GABPA: variants seen among roughly 807,000 people sequenced by gnomAD.
GABPA encodes GA-binding protein alpha chain.
Under a neutral mutation model 59.4 loss-of-function variants are expected in GABPA, and 4 were observed. The ratio of observed to expected loss-of-function variants is 0.07; its 90% CI spans 0.03 to 0.15. The LOEUF is 0.15. GABPA is among the 10% of genes least tolerant of loss of function. The probability of loss-of-function intolerance (pLI) is 1.00; values close to 1 mark genes in which losing one functional copy is unlikely to be tolerated. For synonymous variants in GABPA, 164 were observed against 183.1 expected, an observed-to-expected ratio of 0.90 and a Z score of 0.84; for missense variants, 251 against 543.8, an observed-to-expected ratio of 0.46 and a Z score of 5.36.
chr21:25,742,715 A>T (rs1231945391), intron 2 of GABPA, among the ~76,000 whole-genome samples: 1 of 150,826 alleles, frequency 6.6e-6, no homozygotes, highest in Non-Finnish European at 1.5e-5. Flanking sequence ...GGAGTTCAAG[A>T]CCAGCCTGGG....
intron 5 of GABPA, among the ~76,000 whole-genome samples, chr21:25,755,675 CTG>C (rs2035619350): frequency 6.6e-6 from 1 of 152,116 alleles, no homozygotes; most frequent in Non-Finnish European, 1.5e-5. Flanking sequence ...CTCTCAGTGT[CTG>C]TTCGTGTCTC....
intron 7 of GABPA, 79 bp from the exon 8 acceptor site, chr21:25,764,131 T>G: frequency 7.8e-7 from 1 of 1,274,026 alleles, no homozygotes; most frequent in Non-Finnish European, 1.1e-6. Flanking sequence ...TTAGTTAAAG[T>G]GATAATGTCT....
intron 1 of GABPA, among the ~76,000 whole-genome samples, chr21:25,737,060 A>G (rs1332140254): frequency 6.6e-6 from 1 of 152,234 alleles, no homozygotes; most frequent in Non-Finnish European, 1.5e-5. Flanking sequence ...GGAATGTTAC[A>G]CCTATCTGTA....
At position 25,772,033 on chromosome 21, in the gene GABPA, A is replaced by G. The variant is rs965483319; in HGVS notation, c.*2801A>G. ...TACAAAAAGAATTGTACCACCAAAT[A>G]TTTTTGTGAGGTCTGCTGTTTTCCA... On this transcript the variant is annotated 3_prime_UTR_variant, in exon 10 of 10. Coordinates refer to ENST00000400075, the MANE Select transcript of GABPA (RefSeq NM_002040.4). 2.0e-5 allele frequency: 3 copies of G among 152,086 alleles called. No individual in the cohort carries two copies. Among genetic ancestry groups the G allele is most frequent in the African/African-American group, 7.2e-5 (3 of 41,456 alleles). The allele number at this position is 152,086 out of a possible 1,614,324, so 9.4% of individuals were successfully genotyped here.
At chr21:25,763,077 G>C in intron 7 of GABPA, 1 of 434,230 alleles carries the variant, frequency 2.3e-6, no homozygotes, top group Non-Finnish European at 4.5e-6. Context: ...GTACAGTCTA[G>C]AAGAGTCTTT....
At chr21:25,741,540 G>A in intron 1 of GABPA, 33 bp from the exon 2 acceptor site, 1 of 1,246,302 alleles carries the variant, frequency 8.0e-7, no homozygotes, top group South Asian at 1.3e-5. Context: ...TATGTGGATA[G>A]TTTTAAAATA....
In GABPA at chr21:25,770,329, A is replaced by C. The variant is rs905654727; in HGVS notation, c.*1097A>C. The C allele has an allele frequency of 1.3e-5, 2 of 152,098 alleles. No homozygotes were observed. Among genetic ancestry groups the C allele is most frequent in the African/African-American group, 4.8e-5 (2 of 41,442 alleles). The allele number at this position is 152,098 out of a possible 1,614,324, so 9.4% of individuals were successfully genotyped here. A position where few individuals can be genotyped will look rare whatever the true frequency, so the allele number is the denominator to read the frequency against. On this transcript the variant is annotated 3_prime_UTR_variant, in exon 10 of 10. Transcript: ENST00000400075. Reference sequence around the variant, plus strand: ...TATGTGTATTCATATAGCTGTATACATATTCAGTTGATCATTTTATAAACA... The same window carrying C: ...TATGTGTATTCATATAGCTGTATACCTATTCAGTTGATCATTTTATAAACA...
chr21:25,771,076 G>T lies in GABPA; in HGVS notation c.*1844G>T, dbSNP rs1370940479. 1 of 151,964 alleles carries T rather than the reference G, an allele frequency of 6.6e-6. No homozygotes were observed. Among genetic ancestry groups the T allele is most frequent in the Non-Finnish European group, 1.5e-5 (1 of 67,878 alleles). 9.4% of individuals were successfully genotyped at this position (151,964 alleles called of 1,614,324 possible). The stretch of plus-strand genomic sequence containing the variant: ...ACAAATAGACAGCAAGAAAGGTTTT[G>T]CACCATCCTCTTACGGCCTAGAGAG... On this transcript the variant is annotated 3_prime_UTR_variant, in exon 10 of 10. Transcript: ENST00000400075.
chr21:25,755,531 G>A (rs910759736), intron 5 of GABPA, among the ~76,000 whole-genome samples: 2 of 152,034 alleles, frequency 1.3e-5, no homozygotes, highest in Admixed American at 6.6e-5. Flanking sequence ...GAAGATAGGG[G>A]TGAGCATTTG....
At chr21:25,742,378 T>TC (rs2035244155) in intron 2 of GABPA, among the ~76,000 whole-genome samples, 1 of 140,278 alleles carries the variant, frequency 7.1e-6, no homozygotes, top group East Asian at 2.1e-4. Context: ...GTACTAGAGA[T>TC]CTCTGTGGAG....
rs761106999 is a variant in GABPA at position 25,769,280 on chromosome 21, G to A, written c.*48G>A. Reference sequence around the variant, plus strand: ...CAAAGTCTTTCTTAAAATGTTTAGAGCAAGTATAGCTCTTACCTTTATTAC... The same window carrying A: ...CAAAGTCTTTCTTAAAATGTTTAGAACAAGTATAGCTCTTACCTTTATTAC... On this transcript the variant is annotated 3_prime_UTR_variant, in exon 10 of 10. Coordinates refer to ENST00000400075, the MANE Select transcript of GABPA (RefSeq NM_002040.4). 2.0e-5 allele frequency: 20 copies of A among 1,025,380 alleles called. No homozygotes were observed. The highest frequency in any genetic ancestry group is 2.8e-5 in the Non-Finnish European group (18 of 650,402). 63.5% of individuals were successfully genotyped at this position (1,025,380 alleles called of 1,614,324 possible). A position where few individuals can be genotyped will look rare whatever the true frequency, so the allele number is the denominator to read the frequency against.
intron 1 of GABPA, among the ~76,000 whole-genome samples, chr21:25,737,724 TG>T (rs2035117811): frequency 6.6e-6 from 1 of 152,216 alleles, no homozygotes; most frequent in Non-Finnish European, 1.5e-5. Context: ...AGAAAATTTA[TG>T]TTTTCTAATT....
intron 6 of GABPA, among the ~76,000 whole-genome samples, chr21:25,759,579 T>G (rs192796681): frequency 6.6e-6 from 1 of 152,308 alleles, no homozygotes; most frequent in African/African-American, 2.4e-5. Flanking sequence ...AATTTTATTC[T>G]TGTGAGGATT....
chr21:25,758,250 T>A, intron 6 of GABPA, 46 bp downstream of exon 6: 5 of 1,342,054 alleles, frequency 3.7e-6, no homozygotes, highest in Non-Finnish European at 5.1e-6. Context: ...TAAGCTTAAT[T>A]TTATTTCCTT....
intron 5 of GABPA, among the ~76,000 whole-genome samples, chr21:25,756,498 T>C (rs1189809958): frequency 6.6e-6 from 1 of 152,230 alleles, no homozygotes; most frequent in East Asian, 1.9e-4. Context: ...GCTACATTGC[T>C]TCAGCCCTTT....
chr21:25,753,733 G>A (rs996051189), intron 5 of GABPA, among the ~76,000 whole-genome samples: 3 of 152,146 alleles, frequency 2.0e-5, no homozygotes, highest in African/African-American at 7.2e-5. Flanking sequence ...GAATGCTGGG[G>A]TAACAAATAA....
intron 9 of GABPA, 140 bp downstream of exon 9, chr21:25,764,927 C>T (rs2035854235): frequency 5.3e-6 from 3 of 563,446 alleles, no homozygotes; most frequent in South Asian, 4.7e-5. Flanking sequence ...TATTAAAAAA[C>T]CTTTTTAAAA....
rs2146094259 is a variant in GABPA, at chr21:25,762,376, G to A, written c.802+11G>A. On this transcript the variant is annotated intron_variant, in intron 7 of 9. Transcript: ENST00000400075. ...TTACAATTGATCAACGTGAGTATTT[G>A]TACCTATATTTGCCCTTTTATTAAT... 6.5e-7 allele frequency: 1 copy of A among 1,537,742 alleles called. No individual in the cohort carries two copies. Among genetic ancestry groups the A allele is most frequent in the East Asian group, 2.3e-5 (1 of 43,598 alleles).
At chr21:25,745,609 TTAAA>T (rs2035341791) in intron 3 of GABPA, among the ~76,000 whole-genome samples, 1 of 152,180 alleles carries the variant, frequency 6.6e-6, no homozygotes, top group Non-Finnish European at 1.5e-5. Context: ...AACGAGAAGT[TTAAA>T]TAAATTAGAA....
Sources: gnomAD v4.1 joint callset for allele counts (sites outside exome capture counted in the v4.1 genomes callset) on GRCh38, gnomAD v4.1.1 for gene constraint, MANE v1.5 for transcripts, NCBI Gene and HGNC (gene_info 2026-07-23, HGNC 2026-07-21) for gene names.